Variants in USP24 observed in about 807,000 individuals in gnomAD.
USP24 encodes the protein ubiquitin specific peptidase 24, also known as ubiquitin carboxyl-terminal hydrolase 24.
A neutral mutation model predicts 361.6 loss-of-function variants in USP24; 97 were observed. The observed-to-expected ratio is 0.27, with a 90% CI of 0.23 to 0.32. The LOEUF (loss-of-function observed/expected upper bound fraction) is 0.32, where lower values mean the gene tolerates loss of function less well. USP24 is among the 10% of genes least tolerant of loss of function. USP24 has a pLI of 1.00. For missense variants in USP24, 2,353 were observed against 3,165.6 expected, an observed-to-expected ratio of 0.74 and a Z score of 6.16; for synonymous variants, 1,098 against 1,124.6, an observed-to-expected ratio of 0.98 and a Z score of 0.47.
intron 1 of USP24, among the ~76,000 whole-genome samples, chr1:55,194,193 T>C (rs1033212116): frequency 1.3e-4 from 20 of 152,236 alleles, no homozygotes; most frequent in African/African-American, 3.9e-4. Flanking sequence ...AACAGCTATC[T>C]AGCAGAAGCA....
chr1:55,202,137 T>C (rs1220338563), intron 1 of USP24, among the ~76,000 whole-genome samples: 1 of 152,324 alleles, frequency 6.6e-6, no homozygotes, highest in East Asian at 1.9e-4. Flanking sequence ...ATATTCACCA[T>C]GCTTTATTTT....
chr1:55,172,578 A>G (rs1557667460), intron 3 of USP24, 58 bp from the exon 4 acceptor site: 1 of 1,509,048 alleles, frequency 6.6e-7, no homozygotes, highest in Non-Finnish European at 8.9e-7. Context: ...ATAAATCTAC[A>G]GTTTATCAAG....
intron 3 of USP24, 38 bp from the exon 4 acceptor site, chr1:55,172,558 A>G: frequency 6.4e-7 from 1 of 1,563,990 alleles, no homozygotes. Context: ...GTCTAACTTG[A>G]AAAAAGAAAA....
intron 39 of USP24, among the ~76,000 whole-genome samples, chr1:55,109,138 G>A (rs1645876404): frequency 6.6e-6 from 1 of 152,186 alleles, no homozygotes; most frequent in African/African-American, 2.4e-5. Flanking sequence ...ACAGGCACGT[G>A]CCACCACGCC....
chr1:55,081,631 G>A (rs1645150446), intron 58 of USP24, among the ~76,000 whole-genome samples: 1 of 152,180 alleles, frequency 6.6e-6, no homozygotes, highest in Admixed American at 6.5e-5. Context: ...GTCCCTTTAT[G>A]GATTCACTGT....
chr1:55,077,475 C>A (rs1645053573), intron 61 of USP24, among the ~76,000 whole-genome samples, 175 bp from the exon 62 acceptor site: 1 of 152,144 alleles, frequency 6.6e-6, no homozygotes, highest in African/African-American at 2.4e-5. Context: ...AAATAAACAA[C>A]CTCTAAGGTT....
At chr1:55,147,869 G>T in intron 17 of USP24, 71 bp from the exon 18 acceptor site, 1 of 1,507,798 alleles carries the variant, frequency 6.6e-7, no homozygotes, top group Non-Finnish European at 9.0e-7. Context: ...AATACAAGCT[G>T]CTATTTAAAG....
At chr1:55,197,834 C>T (rs1223249376) in intron 1 of USP24, among the ~76,000 whole-genome samples, 1 of 152,232 alleles carries the variant, frequency 6.6e-6, no homozygotes, top group Non-Finnish European at 1.5e-5. Flanking sequence ...TCTATCTCCA[C>T]ATAACTTTGA....
intron 65 of USP24, 100 bp from the exon 66 acceptor site, chr1:55,072,503 T>C (rs1644940804): frequency 9.9e-7 from 1 of 1,006,238 alleles, no homozygotes; most frequent in Non-Finnish European, 1.5e-6. Context: ...GCATCCCAAG[T>C]AGGGTACAAG....
chr1:55,096,452 G>C (rs580485), intron 50 of USP24, 46 bp downstream of exon 50: 1 of 1,410,490 alleles, frequency 7.1e-7, no homozygotes, highest in Non-Finnish European at 9.4e-7. Flanking sequence ...TATAGAAAAC[G>C]ATAAATAAAA....
At chr1:55,126,545 T>A (rs1646435133) in intron 32 of USP24, among the ~76,000 whole-genome samples, 1 of 152,246 alleles carries the variant, frequency 6.6e-6, no homozygotes. Flanking sequence ...TCTCATTGCT[T>A]AAGAACAATA....
At chr1:55,212,361 G>A (rs1009478628) in intron 1 of USP24, among the ~76,000 whole-genome samples, 2 of 152,104 alleles carry the variant, frequency 1.3e-5, no homozygotes, top group Non-Finnish European at 2.9e-5. Flanking sequence ...CATGAGTTGA[G>A]CAGAGTGAAA....
intron 31 of USP24, among the ~76,000 whole-genome samples, chr1:55,130,642 A>C (rs964808705): frequency 2.0e-5 from 3 of 152,154 alleles, no homozygotes; most frequent in African/African-American, 4.8e-5. Context: ...TGAGCATTAC[A>C]TGGGAGAAAA....
intron 5 of USP24, among the ~76,000 whole-genome samples, chr1:55,169,706 G>A (rs1309631718): frequency 6.6e-6 from 1 of 152,088 alleles, no homozygotes; most frequent in Non-Finnish European, 1.5e-5. Context: ...ATATCATCTA[G>A]ACTTTTGAAC....
chr1:55,201,494 G>C (rs1051101361), intron 1 of USP24, among the ~76,000 whole-genome samples: 1 of 150,836 alleles, frequency 6.6e-6, no homozygotes, highest in Admixed American at 6.6e-5. Flanking sequence ...CCAGCCACTC[G>C]GGAGGCTGAG....
intron 6 of USP24, 75 bp from the exon 7 acceptor site, chr1:55,166,025 ATAG>A: frequency 7.1e-7 from 1 of 1,407,626 alleles, no homozygotes; most frequent in Non-Finnish European, 9.7e-7. Context: ...CTATTGGTAC[ATAG>A]TAGGTGTATA....
intron 16 of USP24, 36 bp downstream of exon 16, chr1:55,153,834 T>G: frequency 6.5e-7 from 1 of 1,528,944 alleles, no homozygotes; most frequent in Non-Finnish European, 8.9e-7. Flanking sequence ...ATTAAACTAG[T>G]ATACCTTTTA....
At chr1:55,212,475 G>C (rs1644868745) in intron 1 of USP24, among the ~76,000 whole-genome samples, 1 of 152,044 alleles carries the variant, frequency 6.6e-6, no homozygotes, top group Non-Finnish European at 1.5e-5. Flanking sequence ...CTCTCACCAA[G>C]GGTTAAATAA....
At chr1:55,185,497 CAA>C (rs1363970179) in intron 1 of USP24, among the ~76,000 whole-genome samples, 1 of 151,730 alleles carries the variant, frequency 6.6e-6, no homozygotes, top group African/African-American at 2.4e-5. Flanking sequence ...ACTAGACTGA[CAA>C]AGAGAAAAAG....
Sources: gnomAD v4.1 joint callset for allele counts (sites outside exome capture counted in the v4.1 genomes callset) on GRCh38, gnomAD v4.1.1 for gene constraint, MANE v1.5 for transcripts, NCBI Gene and HGNC (gene_info 2026-07-23, HGNC 2026-07-21) for gene names.